Variants in MEF2C observed in about 807,000 individuals in gnomAD.
MEF2C encodes the protein myocyte enhancer factor 2C, also known as myocyte-specific enhancer factor 2C.
Under a neutral mutation model 50.5 loss-of-function variants are expected in MEF2C, and 6 were observed. The ratio of observed to expected loss-of-function variants is 0.12; its 90% CI spans 0.07 to 0.23. MEF2C has a LOEUF of 0.23. MEF2C is among the 10% of genes least tolerant of loss of function. The pLI is 1.00. For synonymous variants in MEF2C, 183 were observed against 228.0 expected (o/e 0.80, Z 1.78); for missense variants, 276 against 605.0 (o/e 0.46, Z 5.70).
rs62377946 is a variant in MEF2C, at chr5:88,738,375, C to T, written c.638-6474G>A. ...TCAGAAGAGTACCAGGCACTTGTAA[C>T]TGCTATGTAAGTGCTAGATATTGTA... On this transcript the variant is annotated intron_variant, in intron 6 of 10. Transcript: ENST00000504921. The T allele has an allele frequency of 6.4e-3, 6,348 of 985,070 alleles. 24 individuals carry two copies. Among genetic ancestry groups the T allele is most frequent in the Non-Finnish European group, 7.2e-3 (6,007 of 829,636 alleles). 61.0% of individuals were successfully genotyped at this position (985,070 alleles called of 1,614,324 possible). A position where few individuals can be genotyped will look rare whatever the true frequency, so the allele number is the denominator to read the frequency against.
intron 1 of MEF2C, among the ~76,000 whole-genome samples, chr5:88,880,479 G>C (rs563589340): frequency 2.8e-4 from 43 of 152,146 alleles, no homozygotes; most frequent in African/African-American, 9.4e-4. Context: ...CCACACTTTA[G>C]AGTTGAGAAA....
At chr5:88,778,002 T>A (rs1036258799) in intron 3 of MEF2C, among the ~76,000 whole-genome samples, 3 of 150,806 alleles carry the variant, frequency 2.0e-5, no homozygotes, top group Non-Finnish European at 4.4e-5. Flanking sequence ...CCTCCCAGGT[T>A]CACGCCATTC....
intron 3 of MEF2C, among the ~76,000 whole-genome samples, chr5:88,788,314 C>T (rs1792024725): frequency 6.6e-6 from 1 of 152,130 alleles, no homozygotes; most frequent in Non-Finnish European, 1.5e-5. Flanking sequence ...AATTCTCCTG[C>T]TTCATCCTCC....
chr5:88,797,205 G>A (rs758329495), intron 3 of MEF2C, among the ~76,000 whole-genome samples: 6 of 152,076 alleles, frequency 3.9e-5, no homozygotes, highest in Non-Finnish European at 7.4e-5. Context: ...TCGCTGTTCT[G>A]TCTAATATTG....
intron 1 of MEF2C, among the ~76,000 whole-genome samples, chr5:88,902,472 AT>A (rs1835769486): frequency 6.6e-6 from 1 of 151,332 alleles, no homozygotes; most frequent in Non-Finnish European, 1.5e-5. Context: ...AATATTAGCT[AT>A]TTTGTTTGGG....
chr5:88,835,699 G>A (rs1025381348), intron 1 of MEF2C, among the ~76,000 whole-genome samples: 1 of 151,498 alleles, frequency 6.6e-6, no homozygotes, highest in African/African-American at 2.4e-5. Context: ...TGTAATTCCA[G>A]CTGCTCGGGA....
intron 3 of MEF2C, among the ~76,000 whole-genome samples, chr5:88,768,956 G>A (rs757990335): frequency 6.6e-6 from 1 of 152,130 alleles, no homozygotes. Context: ...AGGGGTACTA[G>A]TCTAAATAGA....
intron 2 of MEF2C, among the ~76,000 whole-genome samples, chr5:88,821,363 G>A (rs183047271): frequency 2.6e-4 from 40 of 151,880 alleles, no homozygotes; most frequent in South Asian, 4.1e-4. Context: ...TTGACATCTC[G>A]GGTCCTAGTG....
chr5:88,852,062 A>G (rs928356202), intron 1 of MEF2C, among the ~76,000 whole-genome samples: 1 of 152,218 alleles, frequency 6.6e-6, no homozygotes, highest in East Asian at 1.9e-4. Context: ...AGTCATATAC[A>G]TTCCTAAGCA....
chr5:88,825,274 T>G (rs888241577), intron 1 of MEF2C, among the ~76,000 whole-genome samples: 1 of 151,894 alleles, frequency 6.6e-6, no homozygotes, highest in Non-Finnish European at 1.5e-5. Flanking sequence ...TATTTTTTTT[T>G]TTTTTAGTTT....
chr5:88,839,961 G>GA (rs935388617), intron 1 of MEF2C, among the ~76,000 whole-genome samples: 1 of 152,002 alleles, frequency 6.6e-6, no homozygotes, highest in Non-Finnish European at 1.5e-5. Flanking sequence ...TCAAAAAAGA[G>GA]AAAAAAATCT....
At chr5:88,755,521 T>C (rs914820403) in intron 4 of MEF2C, among the ~76,000 whole-genome samples, 3 of 152,208 alleles carry the variant, frequency 2.0e-5, no homozygotes, top group Non-Finnish European at 4.4e-5. Flanking sequence ...CTTTGGACCA[T>C]GTAAATAATA....
intron 1 of MEF2C, among the ~76,000 whole-genome samples, chr5:88,852,387 C>T (rs1213475826): frequency 6.6e-6 from 1 of 152,196 alleles, no homozygotes; most frequent in African/African-American, 2.4e-5. Context: ...GCACTCTAAA[C>T]TTAGTGCCCA....
intron 1 of MEF2C, among the ~76,000 whole-genome samples, chr5:88,893,414 G>C (rs1298977544): frequency 6.6e-6 from 1 of 151,588 alleles, no homozygotes; most frequent in Non-Finnish European, 1.5e-5. Context: ...ATAGAGATGG[G>C]GTTTCAACAT....
At chr5:88,889,835 C>G (rs988482711) in intron 1 of MEF2C, among the ~76,000 whole-genome samples, 13 of 152,244 alleles carry the variant, frequency 8.5e-5, no homozygotes, top group South Asian at 6.2e-4. Flanking sequence ...TCCAAAAGAG[C>G]TCGGGATGGG....
intron 1 of MEF2C, among the ~76,000 whole-genome samples, chr5:88,892,521 A>G (rs373102470): frequency 2.0e-5 from 3 of 152,342 alleles, no homozygotes; most frequent in African/African-American, 7.2e-5. Flanking sequence ...GGGTTATCAC[A>G]GCAGAAAGAA....
chr5:88,801,647 C>G (rs531276304), intron 3 of MEF2C, among the ~76,000 whole-genome samples: 6 of 152,148 alleles, frequency 3.9e-5, no homozygotes, highest in African/African-American at 1.4e-4. Context: ...CCACCACGCT[C>G]GGCTAATTTT....
intron 3 of MEF2C, among the ~76,000 whole-genome samples, chr5:88,792,108 A>G (rs1794051344): frequency 1.3e-5 from 2 of 152,120 alleles, no homozygotes; most frequent in Admixed American, 1.3e-4. Context: ...TTTTTTTATA[A>G]TGAAAAATAC....
intron 3 of MEF2C, among the ~76,000 whole-genome samples, chr5:88,799,662 C>T (rs1797462531): frequency 6.6e-6 from 1 of 152,166 alleles, no homozygotes; most frequent in Admixed American, 6.5e-5. Flanking sequence ...TTTTCCCATC[C>T]CAATTTAGGC....
Sources: allele counts gnomAD v4.1 joint callset (sites outside exome capture counted in the v4.1 genomes callset), GRCh38; gene constraint gnomAD v4.1.1; transcripts MANE v1.5; gene names NCBI Gene and HGNC (gene_info 2026-07-23, HGNC 2026-07-21).